Variants in RBFOX2 observed in about 807,000 individuals in gnomAD.
The protein encoded by RBFOX2 is RNA binding protein fox-1 homolog 2.
Under a neutral mutation model 49.1 loss-of-function variants are expected in RBFOX2, and 10 were observed. The observed-to-expected ratio is 0.20, with a 90% CI of 0.13 to 0.35. The LOEUF is 0.35. Among genes scored for constraint, RBFOX2 ranks in the 10% least tolerant of loss-of-function variants. RBFOX2 has a pLI of 1.00. For synonymous variants in RBFOX2, 183 were observed against 187.4 expected, an observed-to-expected ratio of 0.98 and a Z score of 0.19; for missense variants, 323 against 486.9, an observed-to-expected ratio of 0.66 and a Z score of 3.17.
chr22:35,898,575 G>A (rs1054962483), intron 1 of RBFOX2, among the ~76,000 whole-genome samples: 3 of 151,794 alleles, frequency 2.0e-5, no homozygotes, highest in African/African-American at 4.8e-5. Flanking sequence ...ACAGGCACAC[G>A]CCACCACGCC....
chr22:35,948,199 G>A (rs184432281), intron 1 of RBFOX2, among the ~76,000 whole-genome samples: 139 of 152,140 alleles, frequency 9.1e-4, no homozygotes, highest in Non-Finnish European at 1.1e-3. Context: ...GTGCAGCCTC[G>A]GAACAAAAGG....
chr22:36,004,805 A>G (rs1314385481), intron 1 of RBFOX2, among the ~76,000 whole-genome samples: 3 of 152,132 alleles, frequency 2.0e-5, no homozygotes, highest in Non-Finnish European at 4.4e-5. Context: ...TCAAAAAAAA[A>G]AAAGTTAAAC....
intron 2 of RBFOX2, among the ~76,000 whole-genome samples, chr22:35,782,522 CCT>C (rs1407768945): frequency 1.3e-5 from 2 of 152,162 alleles, no homozygotes; most frequent in Admixed American, 6.5e-5. Context: ...GGGGTTTCAC[CCT>C]GTTAGCTAGG....
At chr22:35,911,795 A>G (rs1001205793) in intron 1 of RBFOX2, among the ~76,000 whole-genome samples, 3 of 152,136 alleles carry the variant, frequency 2.0e-5, no homozygotes, top group African/African-American at 7.2e-5. Context: ...TTTCACTAGC[A>G]GTGGCATGAC....
intron 1 of RBFOX2, among the ~76,000 whole-genome samples, chr22:35,974,320 T>C (rs567840217): frequency 6.6e-6 from 1 of 152,350 alleles, no homozygotes; most frequent in East Asian, 1.9e-4. Context: ...CCAGTTGCTT[T>C]ATTTCTGTAA....
At chr22:35,744,503 A>T (rs909308447) in intron 11 of RBFOX2, among the ~76,000 whole-genome samples, 2 of 152,234 alleles carry the variant, frequency 1.3e-5, no homozygotes, top group African/African-American at 4.8e-5. Context: ...CATTATTTAC[A>T]TGAATTAGCA....
chr22:35,916,820 G>A (rs533775529), intron 1 of RBFOX2, among the ~76,000 whole-genome samples: 28 of 151,386 alleles, frequency 1.8e-4, no homozygotes, highest in East Asian at 2.0e-4. Context: ...GCAGCAAGCC[G>A]AGATCACGCC....
At chr22:35,926,770 C>T (rs8135400) in intron 1 of RBFOX2, among the ~76,000 whole-genome samples, 44 of 152,108 alleles carry the variant, frequency 2.9e-4, no homozygotes, top group African/African-American at 9.9e-4. Context: ...GGTGAGAGAA[C>T]GCTCAAAGTA....
chr22:35,836,965 A>T (rs1031337592), intron 1 of RBFOX2, among the ~76,000 whole-genome samples: 5 of 152,242 alleles, frequency 3.3e-5, no homozygotes, highest in Non-Finnish European at 5.9e-5. Context: ...TGCCCAAAAA[A>T]TAAGAGATCT....
At chr22:36,006,830 C>A (rs1245197593) in intron 1 of RBFOX2, among the ~76,000 whole-genome samples, 2 of 152,182 alleles carry the variant, frequency 1.3e-5, no homozygotes, top group African/African-American at 4.8e-5. Context: ...CCCACCCCAG[C>A]CAGATAAGAA....
intron 4 of RBFOX2, among the ~76,000 whole-genome samples, chr22:35,768,719 C>T (rs1471534020): frequency 6.6e-6 from 1 of 152,162 alleles, no homozygotes; most frequent in Non-Finnish European, 1.5e-5. Context: ...ATTTAATATA[C>T]ATGCCCCTTT....
intron 2 of RBFOX2, among the ~76,000 whole-genome samples, chr22:35,792,315 CAAAAAAAAAAAAA>C (rs1187704252): frequency 2.7e-5 from 1 of 36,440 alleles, no homozygotes; most frequent in African/African-American, 9.6e-5. Flanking sequence ...AACTCCGTCT[CAAAAAAAAAAAAA>C]AAAAAAGAAA....
At chr22:35,959,776 G>A (rs1422454439) in intron 1 of RBFOX2, among the ~76,000 whole-genome samples, 2 of 152,130 alleles carry the variant, frequency 1.3e-5, no homozygotes, top group Admixed American at 1.3e-4. Context: ...TGAGGTCCAG[G>A]TTGACTTCAA....
At chr22:35,809,183 C>G (rs1168113533) in intron 2 of RBFOX2, among the ~76,000 whole-genome samples, 1 of 152,038 alleles carries the variant, frequency 6.6e-6, no homozygotes, top group Non-Finnish European at 1.5e-5. Context: ...AATTTCCTAA[C>G]AGCCTCTTCA....
chr22:35,750,466 G>C (rs1330245302), intron 9 of RBFOX2: 1 of 1,600,502 alleles, frequency 6.2e-7, no homozygotes. Flanking sequence ...ATCTGTGTGT[G>C]ATTTGAAATA....
At chr22:35,890,515 G>C (rs1248904673) in intron 1 of RBFOX2, among the ~76,000 whole-genome samples, 1 of 152,138 alleles carries the variant, frequency 6.6e-6, no homozygotes, top group Admixed American at 6.5e-5. Context: ...AAGTGTGATT[G>C]ACCTTGGGTA....
At chr22:35,875,868 C>T (rs1242727658) in intron 1 of RBFOX2, among the ~76,000 whole-genome samples, 1 of 151,992 alleles carries the variant, frequency 6.6e-6, no homozygotes, top group Non-Finnish European at 1.5e-5. Context: ...AAGAAAGCTA[C>T]ATTTTGTTTT....
rs187183793 is a variant in RBFOX2 at position 35,925,183 on chromosome 22, C to G, written c.-34+13664G>C. On this transcript the variant is annotated intron_variant, in intron 1 of 13. Transcript: ENST00000359369. Reference sequence around the variant, plus strand: ...ATCCAGCCTGGGCAACAGAGCAAGACTTTATCTCAAAAAATAAAAATAAAA... The same window carrying G: ...ATCCAGCCTGGGCAACAGAGCAAGAGTTTATCTCAAAAAATAAAAATAAAA... Among the ~76,000 whole-genome samples the G allele has an allele frequency of 1.4e-3, 206 of 151,528 alleles. 3 individuals are homozygous for G. Among genetic ancestry groups the G allele is most frequent in the Non-Finnish European group, 3.2e-4 (22 of 67,890 alleles).
chr22:35,951,241 C>CTTTTTT (rs1208551684), intron 1 of RBFOX2, among the ~76,000 whole-genome samples: 3 of 78,350 alleles, frequency 3.8e-5, no homozygotes, highest in African/African-American at 6.4e-5. Flanking sequence ...GCACCCGGCC[C>CTTTTTT]TTTTTTTTTT....
Sources: allele counts gnomAD v4.1 joint callset (sites outside exome capture counted in the v4.1 genomes callset), GRCh38; gene constraint gnomAD v4.1.1; transcripts MANE v1.5; gene names NCBI Gene and HGNC (gene_info 2026-07-23, HGNC 2026-07-21).